Variants in TCF20 observed in about 807,000 individuals in gnomAD.
TCF20 encodes SPRE-binding protein.
In TCF20, 3 loss-of-function variants were observed where a neutral mutation model predicts 148.6. The observed-to-expected ratio is 0.02, with a 90% CI of 0.01 to 0.05. The LOEUF (loss-of-function observed/expected upper bound fraction) is 0.05. Among genes scored for constraint, TCF20 ranks in the 10% least tolerant of loss-of-function variants. TCF20 has a pLI of 1.00. For synonymous variants in TCF20, 1,049 were observed against 909.5 expected, an observed-to-expected ratio of 1.15 and a Z score of -2.76; for missense variants, 2,350 against 2,429.3, an observed-to-expected ratio of 0.97 and a Z score of 0.69.
At chr22:42,256,313 C>T (rs1046904568) in intron 1 of TCF20, among the ~76,000 whole-genome samples, 1 of 152,176 alleles carries the variant, frequency 6.6e-6, no homozygotes, top group African/African-American at 2.4e-5. Context: ...TGTGTGTGTG[C>T]CTAGCATGGC....
intron 3 of TCF20, among the ~76,000 whole-genome samples, chr22:42,175,402 G>A (rs533407321): frequency 1.1e-4 from 17 of 151,130 alleles, no homozygotes; most frequent in East Asian, 4.0e-4. Flanking sequence ...GTGCAGTGGC[G>A]TGATCTCAGC....
chr22:42,240,296 C>T (rs1924280060), intron 1 of TCF20, among the ~76,000 whole-genome samples: 1 of 152,124 alleles, frequency 6.6e-6, no homozygotes, highest in African/African-American at 2.4e-5. Context: ...TCTTAAAGCA[C>T]CCACCAACCA....
chr22:42,264,818 C>T (rs1387367022), intron 1 of TCF20, among the ~76,000 whole-genome samples: 2 of 152,214 alleles, frequency 1.3e-5, no homozygotes, highest in Non-Finnish European at 2.9e-5. Flanking sequence ...ATTTCCCATA[C>T]TTAGAATGCC....
intron 2 of TCF20, among the ~76,000 whole-genome samples, chr22:42,185,749 T>C (rs1454799440): frequency 6.6e-6 from 1 of 152,214 alleles, no homozygotes; most frequent in Non-Finnish European, 1.5e-5. Flanking sequence ...CTAGGTGTTT[T>C]GGTCCTTACT....
At chr22:42,216,516 TCTCTCCACCA>T (rs1471130055) in intron 1 of TCF20, among the ~76,000 whole-genome samples, 1 of 152,110 alleles carries the variant, frequency 6.6e-6, no homozygotes, top group Non-Finnish European at 1.5e-5. Context: ...ACAGCACCCC[TCTCTCCACCA>T]CTCTCCTTCA....
chr22:42,215,050 C>A lies in TCF20; in HGVS notation c.256G>T (p.Ala86Ser). Residue 86 changes from alanine (A) to serine (S), a missense_variant, in exon 2 of 6, where the codon GCT becomes TCT. By Grantham distance (99) the Ala-to-Ser change is moderately conservative (BLOSUM62 1). This residue lies in a region of TCF20 where 1,641 missense variants were observed against 1,662.6 expected (regional missense o/e 0.99). Transcript: ENST00000677622. ...HQGYQGFRKE[A>S]GDFYYMAGNK... ...CCTGCCATGTAGTAAAAATCTCCAG[C>A]CTCTTTCCTGAAACCCTGGTAACCT... The A allele has an allele frequency of 6.2e-7, 1 of 1,614,182 alleles. No individual in the cohort carries two copies. The highest frequency in any genetic ancestry group is 8.5e-7 in the Non-Finnish European group (1 of 1,180,026).
At position 42,171,228 on chromosome 22, in the gene TCF20, A is replaced by G. The variant is rs147934406; in HGVS notation, c.5750-1332T>C. Reference sequence around the variant, plus strand: ...AGACCGACAGCCAGGTCACTGGTGCAAAACGCGGTGGCAGAATGTTAATAA... The same window carrying G: ...AGACCGACAGCCAGGTCACTGGTGCGAAACGCGGTGGCAGAATGTTAATAA... On this transcript the variant is annotated intron_variant, in intron 3 of 5. Coordinates refer to ENST00000677622, the MANE Select transcript of TCF20 (RefSeq NM_001378418.1). 1.5e-3 allele frequency among the ~76,000 whole-genome samples: 228 copies of G among 152,308 alleles called. 1 individual carries two copies. The highest frequency in any genetic ancestry group is 5.4e-3 in the African/African-American group (223 of 41,570).
Position 42,210,514 on chromosome 22 carries a change from T to C in TCF20, c.4792A>G (p.Thr1598Ala). Residue 1598 changes from threonine to alanine, a missense_variant, in exon 2 of 6, where the codon ACC becomes GCC. Transcript: ENST00000677622. The surrounding 1 kb of genome is among the most constrained non-coding windows in gnomAD (Gnocchi z 4.7). ...TCCACAATGGGAACTGCTTGTTTGG[T>C]TTTTCGCTTCCTCGGCTGGGCCCCA... ...KPGAQPRKRK[T>A]KQAVPIVEPQ... is the part of the protein sequence containing the mutation. The C allele has an allele frequency of 6.2e-7, 1 of 1,614,180 alleles. No homozygotes were observed. The highest frequency in any genetic ancestry group is 8.5e-7 in the Non-Finnish European group (1 of 1,180,026).
upstream of TCF20, among the ~76,000 whole-genome samples, chr22:42,285,096 G>C (rs887033063): frequency 1.3e-5 from 2 of 152,206 alleles, no homozygotes; most frequent in Admixed American, 1.3e-4. This position sits in a 1 kb window ranked among gnomAD's most constrained non-coding sequence, Gnocchi z 4.2. Flanking sequence ...GCTTCAGCCT[G>C]AGGCCCCTGG....
intron 3 of TCF20, among the ~76,000 whole-genome samples, chr22:42,178,094 T>C (rs1936552624): frequency 6.6e-6 from 1 of 152,194 alleles, no homozygotes; most frequent in Non-Finnish European, 1.5e-5. Flanking sequence ...TTCAGAGGGC[T>C]TCTGGACTGC....
chr22:42,240,188 G>C (rs181293913), intron 1 of TCF20, among the ~76,000 whole-genome samples: 2 of 152,302 alleles, frequency 1.3e-5, no homozygotes, highest in Admixed American at 1.3e-4. Context: ...AACAGAGGCA[G>C]AATAGTCATT....
intron 3 of TCF20, among the ~76,000 whole-genome samples, chr22:42,174,782 T>C (rs1054719142): frequency 6.6e-6 from 1 of 151,764 alleles, no homozygotes; most frequent in Non-Finnish European, 1.5e-5. Context: ...ACGCCTGTAA[T>C]CCCAGCACTT....
intron 1 of TCF20, among the ~76,000 whole-genome samples, chr22:42,252,236 G>A (rs912515345): frequency 6.7e-6 from 1 of 149,610 alleles, no homozygotes; most frequent in Non-Finnish European, 1.5e-5. Flanking sequence ...GCAGTGAGCC[G>A]AGCACCACTG....
In TCF20 at chr22:42,334,529, G is replaced by A. The variant is rs573642829; in HGVS notation, c.-37+8950C>T. Among the ~76,000 whole-genome samples, 5 of 152,364 alleles carry A rather than the reference G, an allele frequency of 3.3e-5. No homozygotes were observed. In the South Asian group the frequency reaches 8.3e-4, roughly 25 times the overall value. On this transcript the variant is annotated intron_variant, in intron 1 of 1. Coordinates refer to the TCF20 transcript ENST00000515426. ...TGCTGCAGCCACTGTTCTAGGAGCTGGAGGCAGAGCAGGGAACAGGCTAGG... is the reference window on the plus strand; with the variant it reads ...TGCTGCAGCCACTGTTCTAGGAGCTAGAGGCAGAGCAGGGAACAGGCTAGG...
rs1285608755 is a variant in TCF20 at position 42,312,858 on chromosome 22, C to G, written c.-37+30621G>C. Among the ~76,000 whole-genome samples the G allele has an allele frequency of 5.3e-5, 8 of 152,292 alleles. No homozygotes were observed. The East Asian group carries it at 1.4e-3, about 26-fold the overall frequency. On this transcript the variant is annotated intron_variant, in intron 1 of 1. Transcript: ENST00000515426. ...AAAGCATGGGGCCCCAATCTAGTGC[C>G]CTGCATGCCCAATGCCCAGGCCTCA...
In TCF20 at chr22:42,290,239, C is replaced by G. The variant is rs1927109336; in HGVS notation, c.-37+53240G>C. Among the ~76,000 whole-genome samples, 1 of 152,106 alleles carries G rather than the reference C, an allele frequency of 6.6e-6. No homozygotes were observed. Among genetic ancestry groups the G allele is most frequent in the South Asian group, 2.1e-4 (1 of 4,832 alleles). ...CTTCATCCTGTCTCTTCTCCCAGTCCTGACCCCCAGTACCCTGCCCTAGGA... is the reference window on the plus strand; with the variant it reads ...CTTCATCCTGTCTCTTCTCCCAGTCGTGACCCCCAGTACCCTGCCCTAGGA... On this transcript the variant is annotated intron_variant, in intron 1 of 1. Coordinates refer to the TCF20 transcript ENST00000515426. The surrounding 1 kb of genome is among the most constrained non-coding windows in gnomAD (Gnocchi z 4.2).
At chr22:42,331,242 A>G (rs1228902383) in intron 1 of TCF20, among the ~76,000 whole-genome samples, 1 of 152,140 alleles carries the variant, frequency 6.6e-6, no homozygotes, top group Non-Finnish European at 1.5e-5. Flanking sequence ...CTGGCTGACA[A>G]GCCGCTAAGC....
At chr22:42,193,294 T>G (rs941135418) in intron 2 of TCF20, among the ~76,000 whole-genome samples, 2 of 151,694 alleles carry the variant, frequency 1.3e-5, no homozygotes, top group Non-Finnish European at 2.9e-5. Flanking sequence ...TACACTTTTT[T>G]TTTTTTTTGA....
At chr22:42,282,479 G>A (rs1475960531) in intron 1 of TCF20, among the ~76,000 whole-genome samples, 1 of 152,248 alleles carries the variant, frequency 6.6e-6, no homozygotes, top group African/African-American at 2.4e-5. Context: ...AGAGCTGTTT[G>A]CCAACCTCCA....
Sources: allele counts gnomAD v4.1 joint callset (sites outside exome capture counted in the v4.1 genomes callset), GRCh38; gene constraint gnomAD v4.1.1; regional missense constraint gnomAD v4.1.1; non-coding constraint Gnocchi (gnomAD v3.1); transcripts MANE v1.5; gene names NCBI Gene and HGNC (gene_info 2026-07-23, HGNC 2026-07-21).